The following FGGY variants were observed in gnomAD, a reference collection of about 807,000 sequenced individuals.
FGGY encodes FGGY carbohydrate kinase domain-containing protein.
Under a neutral mutation model 71.3 loss-of-function variants are expected in FGGY, and 72 were observed. That is an observed-to-expected ratio of 1.01 (90% confidence interval 0.84 to 1.23). The LOEUF (loss-of-function observed/expected upper bound fraction) is 1.23. Among genes scored for constraint, FGGY ranks in the 50% most tolerant of loss-of-function variants. FGGY has a pLI of 0.00. For synonymous variants in FGGY, 251 were observed against 250.3 expected, an observed-to-expected ratio of 1.00 and a Z score of -0.02; for missense variants, 668 against 682.3, an observed-to-expected ratio of 0.98 and a Z score of 0.23.
At chr1:59,345,961 T>C (rs1185275908) in intron 3 of FGGY, among the ~76,000 whole-genome samples, 1 of 152,166 alleles carries the variant, frequency 6.6e-6, no homozygotes, top group Non-Finnish European at 1.5e-5. Flanking sequence ...GGGAAGAATT[T>C]GAGAGAGAAT....
At chr1:59,601,177 ACCT>A (rs1360268971) in intron 8 of FGGY, among the ~76,000 whole-genome samples, 1 of 151,272 alleles carries the variant, frequency 6.6e-6, no homozygotes, top group African/African-American at 2.4e-5. Flanking sequence ...TCAAAACAAA[ACCT>A]CCTGTTCCCT....
At chr1:59,616,752 A>G (rs150425294) in intron 9 of FGGY, among the ~76,000 whole-genome samples, 44 of 152,276 alleles carry the variant, frequency 2.9e-4, no homozygotes, top group African/African-American at 9.9e-4. Flanking sequence ...AATGATAGTC[A>G]TAATTACAAT....
At chr1:59,409,598 T>TTA (rs202016801) in intron 5 of FGGY, among the ~76,000 whole-genome samples, 3,974 of 105,626 alleles carry the variant, frequency 0.038, 60 homozygotes, top group East Asian at 0.061. Flanking sequence ...GAAGAGTTTT[T>TTA]TATATATATA....
chr1:59,422,144 A>C (rs922056319), intron 5 of FGGY, among the ~76,000 whole-genome samples: 2 of 152,230 alleles, frequency 1.3e-5, no homozygotes, highest in Non-Finnish European at 2.9e-5. Context: ...TAAAAAATTT[A>C]GTGACGATAC....
chr1:59,701,492 A>G (rs375091728), intron 14 of FGGY, among the ~76,000 whole-genome samples: 1 of 152,154 alleles, frequency 6.6e-6, no homozygotes, highest in African/African-American at 2.4e-5. Flanking sequence ...AGGCCCATCT[A>G]TCTCTGCTTG....
At chr1:59,710,072 A>G (rs1482845341) in intron 14 of FGGY, among the ~76,000 whole-genome samples, 1 of 152,212 alleles carries the variant, frequency 6.6e-6, no homozygotes, top group Admixed American at 6.5e-5. Flanking sequence ...CAACTCACAG[A>G]TGTGTGGTCA....
chr1:59,715,682 A>G (rs186020592), intron 14 of FGGY, among the ~76,000 whole-genome samples: 44 of 152,286 alleles, frequency 2.9e-4, no homozygotes, highest in African/African-American at 1.0e-3. Context: ...ACATACTAAC[A>G]CCTATTCCAT....
At chr1:59,543,859 T>C (rs2095482666) in intron 7 of FGGY, among the ~76,000 whole-genome samples, 1 of 152,152 alleles carries the variant, frequency 6.6e-6, no homozygotes, top group Non-Finnish European at 1.5e-5. Flanking sequence ...AAGGAGCCTT[T>C]GAATAATTTT....
At chr1:59,388,958 CT>C (rs200236809) in intron 5 of FGGY, among the ~76,000 whole-genome samples, 2,956 of 150,478 alleles carry the variant, frequency 0.02, 101 homozygotes, top group African/African-American at 0.068. Context: ...CCTATCCCCT[CT>C]TTTTTTTAGA....
At chr1:59,669,673 G>A (rs761342393) in intron 13 of FGGY, among the ~76,000 whole-genome samples, 33 of 150,874 alleles carry the variant, frequency 2.2e-4, no homozygotes, top group Non-Finnish European at 4.0e-4. Context: ...GGGATTACAG[G>A]CATGAGCCAC....
intron 14 of FGGY, among the ~76,000 whole-genome samples, chr1:59,725,349 A>G (rs551431415): frequency 1.4e-4 from 21 of 152,126 alleles, no homozygotes; most frequent in Non-Finnish European, 2.4e-4. Context: ...TCTTTCCCCA[A>G]CCTTACACTG....
At chr1:59,446,872 A>G (rs1217631326) in intron 5 of FGGY, among the ~76,000 whole-genome samples, 1 of 152,194 alleles carries the variant, frequency 6.6e-6, no homozygotes, top group Non-Finnish European at 1.5e-5. Flanking sequence ...CTGCGTATAA[A>G]TAATGCAGCA....
At position 59,553,057 on chromosome 1, in the gene FGGY, T is replaced by G. The variant is rs534064849; in HGVS notation, c.800-1067T>G. On this transcript the variant is annotated intron_variant, in intron 7 of 15. Transcript: ENST00000303721. Reference sequence around the variant, plus strand: ...GAAGCCCTATAATTAGGAGTCGGCCTGACAGCGAGGTTGGGGGAATGGCAT... The same window carrying G: ...GAAGCCCTATAATTAGGAGTCGGCCGGACAGCGAGGTTGGGGGAATGGCAT... Among the ~76,000 whole-genome samples, 27 of 152,310 alleles carry G rather than the reference T, an allele frequency of 1.8e-4. No homozygotes were observed. The East Asian group carries it at 5.0e-3, about 28-fold the overall frequency.
intron 14 of FGGY, chr1:59,699,470 C>A: frequency 1.1e-6 from 1 of 895,740 alleles, no homozygotes; most frequent in African/African-American, 1.8e-5. Context: ...CTGCTAAAAT[C>A]TCAAAAACAA....
At chr1:59,562,332 G>A (rs892638912) in intron 8 of FGGY, among the ~76,000 whole-genome samples, 16 of 152,150 alleles carry the variant, frequency 1.1e-4, no homozygotes, top group Non-Finnish European at 2.4e-4. Flanking sequence ...GGTACAACAT[G>A]GATTAATCAC....
chr1:59,584,031 C>G (rs2096241554), intron 8 of FGGY, among the ~76,000 whole-genome samples: 1 of 149,352 alleles, frequency 6.7e-6, no homozygotes, highest in African/African-American at 2.5e-5. Flanking sequence ...AATAGCTTAC[C>G]AACCAAAAAA....
chr1:59,538,030 CA>C (rs1448770398), intron 7 of FGGY, among the ~76,000 whole-genome samples: 2 of 152,044 alleles, frequency 1.3e-5, no homozygotes, highest in Non-Finnish European at 2.9e-5. Flanking sequence ...TTCTGCACAG[CA>C]AAAGAAACTA....
intron 14 of FGGY, among the ~76,000 whole-genome samples, chr1:59,695,364 A>G (rs1212842436): frequency 6.6e-6 from 1 of 152,200 alleles, no homozygotes; most frequent in Non-Finnish European, 1.5e-5. Flanking sequence ...AATAACTTCT[A>G]AGTGGAGACC....
At chr1:59,508,295 G>A (rs1262078204) in intron 6 of FGGY, among the ~76,000 whole-genome samples, 1 of 152,124 alleles carries the variant, frequency 6.6e-6, no homozygotes, top group Non-Finnish European at 1.5e-5. Context: ...TGAGACCTCA[G>A]CACCTAGATC....
Sources: gnomAD v4.1 joint callset for allele counts (sites outside exome capture counted in the v4.1 genomes callset) on GRCh38, gnomAD v4.1.1 for gene constraint, MANE v1.5 for transcripts, NCBI Gene and HGNC (gene_info 2026-07-23, HGNC 2026-07-21) for gene names.